FANCL: variants seen among roughly 807,000 people sequenced by gnomAD.
The protein encoded by FANCL is E3 ubiquitin-protein ligase FANCL.
FANCL carries 69 observed loss-of-function variants against 59.4 expected under a neutral mutation model. The ratio of observed to expected loss-of-function variants is 1.16; its 90% CI spans 0.96 to 1.42. FANCL has a LOEUF of 1.42. Ranked by LOEUF, FANCL falls within the 40% of genes most tolerant of loss-of-function variation. The probability of loss-of-function intolerance (pLI) is 0.00; values close to 1 mark genes in which losing one functional copy is unlikely to be tolerated. For synonymous variants in FANCL, 180 were observed against 147.1 expected (o/e 1.22, Z -1.62); for missense variants, 519 against 447.2 (o/e 1.16, Z -1.45).
At chr2:58,187,513 T>C (rs1688522725) in intron 7 of FANCL, among the ~76,000 whole-genome samples, 1 of 151,630 alleles carries the variant, frequency 6.6e-6, no homozygotes, top group Non-Finnish European at 1.5e-5. Context: ...CATGTATACA[T>C]ATGTAACAAA....
chr2:58,186,301 T>C (rs1391445404), intron 7 of FANCL, among the ~76,000 whole-genome samples: 1 of 152,142 alleles, frequency 6.6e-6, no homozygotes, highest in Admixed American at 6.5e-5. Context: ...TTCTGGGCCA[T>C]AAGTATGATT....
intron 7 of FANCL, among the ~76,000 whole-genome samples, chr2:58,195,872 G>C (rs989549692): frequency 6.6e-6 from 1 of 152,018 alleles, no homozygotes; most frequent in African/African-American, 2.4e-5. Context: ...TAACCCCAAA[G>C]AGGCACATAG....
chr2:58,211,470 C>G (rs1012901090), intron 5 of FANCL, among the ~76,000 whole-genome samples: 2 of 152,200 alleles, frequency 1.3e-5, no homozygotes, highest in Non-Finnish European at 2.9e-5. Flanking sequence ...CTGGCATGCC[C>G]TGGAGACATT....
At chr2:58,167,310 C>G (rs1311457848) in intron 7 of FANCL, among the ~76,000 whole-genome samples, 1 of 152,216 alleles carries the variant, frequency 6.6e-6, no homozygotes, top group East Asian at 1.9e-4. Context: ...TTCTGGTATA[C>G]TTTACTTACC....
rs760964833 is a variant in FANCL, at chr2:58,159,640, A to ATCATCATACCTGTCC, written c.*110_*124dup. 4 of 1,613,806 alleles carry ATCATCATACCTGTCC rather than the reference A, an allele frequency of 2.5e-6. No individual in the cohort carries two copies. The Admixed American group carries it at 6.7e-5, about 27-fold the overall frequency. Reference sequence around the variant, plus strand: ...AAACGCAGATGTTTATTATTATCGCATCATCATACCTGTCCTTTTGATGTT... The same window carrying ATCATCATACCTGTCC: ...AAACGCAGATGTTTATTATTATCGCATCATCATACCTGTCCTCATCATACCTGTCCTTTTGATGTT... On this transcript the variant is annotated 3_prime_UTR_variant, in exon 14 of 14. Coordinates refer to ENST00000233741, the MANE Select transcript of FANCL (RefSeq NM_018062.4).
intron 7 of FANCL, among the ~76,000 whole-genome samples, chr2:58,180,936 C>CA (rs1687880751): frequency 6.6e-6 from 1 of 151,976 alleles, no homozygotes; most frequent in Non-Finnish European, 1.5e-5. Flanking sequence ...AATAAGGACA[C>CA]AAAGCAACTG....
At chr2:58,213,866 G>C (rs17049416) in intron 5 of FANCL, among the ~76,000 whole-genome samples, 13,446 of 152,118 alleles carry the variant, frequency 0.088, 613 homozygotes, top group African/African-American at 0.092. Flanking sequence ...TTCGTGGTAA[G>C]ATACTTTTTA....
At chr2:58,191,172 T>C (rs974945764) in intron 7 of FANCL, among the ~76,000 whole-genome samples, 5 of 151,890 alleles carry the variant, frequency 3.3e-5, no homozygotes, top group Admixed American at 6.6e-5. Context: ...TGTATCAATT[T>C]ACCAGAGTCC....
intron 3 of FANCL, 36 bp from the exon 4 acceptor site, chr2:58,226,820 CAATA>C (rs746325072): frequency 4.5e-6 from 7 of 1,555,442 alleles, no homozygotes; most frequent in South Asian, 2.2e-5. Flanking sequence ...TTCATTTGCA[CAATA>C]AATATTCTAT....
chr2:58,163,669 A>G, intron 8 of FANCL, 152 bp from the exon 9 acceptor site: 1 of 621,362 alleles, frequency 1.6e-6, no homozygotes, highest in Admixed American at 2.7e-5. Flanking sequence ...AATGGTAAAT[A>G]TAATTGAACC....
At chr2:58,233,802 T>C (rs1025193452) in intron 1 of FANCL, among the ~76,000 whole-genome samples, 1 of 151,996 alleles carries the variant, frequency 6.6e-6, no homozygotes, top group South Asian at 2.1e-4. Context: ...AGACTTAATG[T>C]GCATTAACAC....
intron 1 of FANCL, 94 bp from the exon 2 acceptor site, chr2:58,232,206 C>A: frequency 9.7e-7 from 1 of 1,034,906 alleles, no homozygotes. Context: ...CAATGTTTTC[C>A]TTTATTTTCT....
At chr2:58,194,161 G>A (rs1689208194) in intron 7 of FANCL, 1 of 469,964 alleles carries the variant, frequency 2.1e-6, no homozygotes, top group African/African-American at 2.0e-5. Flanking sequence ...ACACCACACT[G>A]AACCTGAGGA....
chr2:58,226,267 A>G (rs1692987148), intron 4 of FANCL, among the ~76,000 whole-genome samples: 1 of 152,198 alleles, frequency 6.6e-6, no homozygotes, highest in Non-Finnish European at 1.5e-5. Context: ...TCTACAGGAT[A>G]AACTGAATAA....
At chr2:58,222,151 G>C (rs1440667034) in intron 4 of FANCL, 109 bp from the exon 5 acceptor site, 3 of 763,418 alleles carry the variant, frequency 3.9e-6, no homozygotes, top group African/African-American at 1.7e-5. Context: ...TAATAAAAGT[G>C]CCTGTTTTTT....
At chr2:58,235,440 G>C (rs569350917) in intron 1 of FANCL, among the ~76,000 whole-genome samples, 1 of 152,220 alleles carries the variant, frequency 6.6e-6, no homozygotes, top group Non-Finnish European at 1.5e-5. Context: ...AACTACCTTA[G>C]ACTAAAGTCT....
chr2:58,174,026 A>G (rs373405000), intron 7 of FANCL, among the ~76,000 whole-genome samples: 2,639 of 152,198 alleles, frequency 0.017, 27 homozygotes, highest in Middle Eastern at 0.037. Context: ...AACAAAGATC[A>G]AAAGAGACAA....
intron 7 of FANCL, among the ~76,000 whole-genome samples, chr2:58,193,077 T>C (rs1020059736): frequency 4.6e-5 from 7 of 152,006 alleles, no homozygotes; most frequent in Non-Finnish European, 1.0e-4. Flanking sequence ...TAAGAAATCA[T>C]TGCTACTTTA....
intron 2 of FANCL, among the ~76,000 whole-genome samples, chr2:58,231,220 A>G (rs1254551552): frequency 6.6e-6 from 1 of 152,166 alleles, no homozygotes; most frequent in African/African-American, 2.4e-5. Flanking sequence ...ACCCCGCTAG[A>G]CACAGCACCA....
Sources: allele counts gnomAD v4.1 joint callset (sites outside exome capture counted in the v4.1 genomes callset), GRCh38; gene constraint gnomAD v4.1.1; transcripts MANE v1.5; gene names NCBI Gene and HGNC (gene_info 2026-07-23, HGNC 2026-07-21).